TNFRSF10B: variants seen among roughly 807,000 people sequenced by gnomAD.
The protein encoded by TNFRSF10B is TNF receptor superfamily member 10b.
Under a neutral mutation model 41.4 loss-of-function variants are expected in TNFRSF10B, and 35 were observed. That is an observed-to-expected ratio of 0.85 (90% CI 0.65 to 1.12). The LOEUF (loss-of-function observed/expected upper bound fraction) is 1.12. Among genes scored for constraint, TNFRSF10B ranks in the 50% most tolerant of loss-of-function variants. The pLI is 0.00. For missense variants in TNFRSF10B, 584 were observed against 552.7 expected (o/e 1.06, Z -0.57); for synonymous variants, 230 against 215.5 (o/e 1.07, Z -0.59).
At chr8:23,060,421 G>C (rs979713374) in intron 1 of TNFRSF10B, among the ~76,000 whole-genome samples, 14 of 152,042 alleles carry the variant, frequency 9.2e-5, no homozygotes, top group Admixed American at 3.3e-4. Context: ...CAACAGTCTT[G>C]GCATCCTTGT....
chr8:23,040,799 G>T (rs1812172876), intron 2 of TNFRSF10B, among the ~76,000 whole-genome samples: 1 of 151,886 alleles, frequency 6.6e-6, no homozygotes, highest in South Asian at 2.1e-4. Flanking sequence ...TATTAATATT[G>T]AAAGACATTC....
At chr8:23,027,923 G>T in intron 5 of TNFRSF10B, 170 bp from the exon 6 acceptor site, 1 of 720,404 alleles carries the variant, frequency 1.4e-6, no homozygotes, top group Admixed American at 2.5e-5. Context: ...GAGGAAGGGG[G>T]ATGAGAAGGG....
intron 1 of TNFRSF10B, among the ~76,000 whole-genome samples, chr8:23,067,080 G>A (rs1346996667): frequency 6.6e-6 from 1 of 151,754 alleles, no homozygotes; most frequent in Non-Finnish European, 1.5e-5. Context: ...CCAGGTTCAA[G>A]TGATTCTCCT....
At chr8:23,064,925 T>C (rs1240990445) in intron 1 of TNFRSF10B, among the ~76,000 whole-genome samples, 1 of 152,214 alleles carries the variant, frequency 6.6e-6, no homozygotes, top group Non-Finnish European at 1.5e-5. Flanking sequence ...GCAAACCATA[T>C]TATCCTGGCC....
chr8:23,060,711 T>G (rs73544894), intron 1 of TNFRSF10B, among the ~76,000 whole-genome samples: 7,157 of 152,308 alleles, frequency 0.047, 326 homozygotes, highest in African/African-American at 0.12. Flanking sequence ...TTACATTGAA[T>G]GTATAGATCA....
At chr8:23,067,712 G>C (rs377100077) in intron 1 of TNFRSF10B, among the ~76,000 whole-genome samples, 28 of 152,224 alleles carry the variant, frequency 1.8e-4, no homozygotes, top group East Asian at 1.7e-3. Flanking sequence ...GAAAACATGA[G>C]GTGTGTAACA....
intron 7 of TNFRSF10B, among the ~76,000 whole-genome samples, chr8:23,024,899 T>C (rs1373371033): frequency 6.6e-6 from 1 of 152,006 alleles, no homozygotes; most frequent in African/African-American, 2.4e-5. Flanking sequence ...CCCAGCACTC[T>C]GGGAGGCTGA....
chr8:23,065,081 T>C (rs1812944098), intron 1 of TNFRSF10B, among the ~76,000 whole-genome samples: 1 of 152,158 alleles, frequency 6.6e-6, no homozygotes, highest in South Asian at 2.1e-4. Context: ...GATAGTTATT[T>C]AGGTCCCTGC....
chr8:23,045,464 A>G (rs1165154502), intron 1 of TNFRSF10B, among the ~76,000 whole-genome samples: 1 of 152,166 alleles, frequency 6.6e-6, no homozygotes, highest in Non-Finnish European at 1.5e-5. Context: ...TCAAAGAAAC[A>G]CCCAGGACCC....
Position 23,048,143 on chromosome 8 carries a change from AAAC to A in TNFRSF10B, c.145-4903_145-4901del, listed in dbSNP as rs1490302225. Among the ~76,000 whole-genome samples, 11 of 152,322 alleles carry A rather than the reference AAAC, an allele frequency of 7.2e-5. No individual in the cohort carries two copies. The East Asian group carries it at 1.9e-3, about 27-fold the overall frequency. On this transcript the variant is annotated intron_variant, in intron 1 of 8. Transcript: ENST00000276431. ...TGTATGTTTTCATACATGAAATTGA[AAAC>A]AACGAGGCTGGGCACGGTGGCTCAT... is the stretch of plus-strand genomic sequence containing the variant.
chr8:23,045,717 C>A (rs1400703539), intron 1 of TNFRSF10B, among the ~76,000 whole-genome samples: 1 of 152,134 alleles, frequency 6.6e-6, no homozygotes, highest in Non-Finnish European at 1.5e-5. Context: ...AATTCAATAG[C>A]TCATTAAAAG....
rs1048793469 is a variant in TNFRSF10B at position 23,038,277 on chromosome 8, A to C, written c.250+4861T>G. Reference sequence around the variant, plus strand: ...TAAAGCAGGACCACTTATAGCTCAGACCCTTCAGGAATAAAGGTTAGTTCA... The same window carrying C: ...TAAAGCAGGACCACTTATAGCTCAGCCCCTTCAGGAATAAAGGTTAGTTCA... On this transcript the variant is annotated intron_variant, in intron 2 of 8. Transcript: ENST00000276431. 2.0e-5 allele frequency among the ~76,000 whole-genome samples: 3 copies of C among 152,268 alleles called. No homozygotes were observed. In the South Asian group the frequency reaches 6.2e-4, roughly 32 times the overall value.
chr8:23,028,893 G>A (rs375910140), intron 4 of TNFRSF10B, among the ~76,000 whole-genome samples: 2 of 152,306 alleles, frequency 1.3e-5, no homozygotes, highest in African/African-American at 2.4e-5. Context: ...GGAGGCCTGC[G>A]TTAGGAGCAA....
In TNFRSF10B at chr8:23,021,388, G is replaced by A. The variant is rs533597173; in HGVS notation, c.*1283C>T. 70 of 454,014 alleles carry A rather than the reference G, an allele frequency of 1.5e-4. No individual in the cohort carries two copies. The highest frequency in any genetic ancestry group is 1.0e-3 in the South Asian group (65 of 64,468). The allele number at this position is 454,014 out of a possible 1,614,324, so 28.1% of individuals were successfully genotyped here. ...GTGACAGATAACCAGAAGTGAGCCGGGCCATCTACTCCTGAGATGGCAACC... is the reference window on the plus strand; with the variant it reads ...GTGACAGATAACCAGAAGTGAGCCGAGCCATCTACTCCTGAGATGGCAACC... On this transcript the variant is annotated 3_prime_UTR_variant, in exon 9 of 9. Transcript: ENST00000276431.
chr8:23,048,773 T>C (rs1174255461), intron 1 of TNFRSF10B, among the ~76,000 whole-genome samples: 1 of 152,148 alleles, frequency 6.6e-6, no homozygotes, highest in Non-Finnish European at 1.5e-5. Context: ...TCCCCATAAA[T>C]ACATACAATT....
At chr8:23,062,822 GAATT>G (rs1184761280) in intron 1 of TNFRSF10B, among the ~76,000 whole-genome samples, 2 of 152,086 alleles carry the variant, frequency 1.3e-5, no homozygotes, top group Non-Finnish European at 2.9e-5. Flanking sequence ...TTGTATGGCA[GAATT>G]AATATGGTAA....
Position 23,021,571 on chromosome 8 carries a change from G to C in TNFRSF10B, c.*1100C>G, listed in dbSNP as rs1811522759. 2.2e-6 allele frequency: 1 copy of C among 454,122 alleles called. No homozygotes were observed. The highest frequency in any genetic ancestry group is 2.0e-5 in the African/African-American group (1 of 50,122). The allele number at this position is 454,122 out of a possible 1,614,324, so 28.1% of individuals were successfully genotyped here. A position where few individuals can be genotyped will look rare whatever the true frequency, so the allele number is the denominator to read the frequency against. ...TTGTTATGTGTGATCTAACCCATCT[G>C]CCTCTGTCCCAGCCTGTCCATAGAT... On this transcript the variant is annotated 3_prime_UTR_variant, in exon 9 of 9. Transcript: ENST00000276431.
Position 23,025,412 on chromosome 8 carries a change from CTA to C in TNFRSF10B, c.937-1154_937-1153del, listed in dbSNP as rs147127466. 7.2e-3 allele frequency among the ~76,000 whole-genome samples: 1,089 copies of C among 152,136 alleles called. 5 individuals are homozygous for C. The highest frequency in any genetic ancestry group is 0.012 in the Non-Finnish European group (805 of 67,998). On this transcript the variant is annotated intron_variant, in intron 7 of 8. Transcript: ENST00000276431. ...AATTAATATTTGTAAAGTCTAGTGACTATGTGGGCGGGAGGGGTACTAGAGAA... is the reference window on the plus strand; with the variant it reads ...AATTAATATTTGTAAAGTCTAGTGACTGTGGGCGGGAGGGGTACTAGAGAA...
rs1005056875 is a variant in TNFRSF10B at position 23,068,982 on chromosome 8, G to C, written c.-88C>G. 2.5e-6 allele frequency: 4 copies of C among 1,601,104 alleles called. No individual in the cohort carries two copies. In the African/African-American group the frequency reaches 4.0e-5, roughly 16 times the overall value. ...GGCATCGTCGGTGTATTTTGTGGGC[G>C]CAGAGATTGCGGGGTTCTCCGGCCG... On this transcript the variant is annotated 5_prime_UTR_variant, in exon 1 of 9. Coordinates refer to ENST00000276431, the MANE Select transcript of TNFRSF10B (RefSeq NM_003842.5).
Sources: allele counts gnomAD v4.1 joint callset (sites outside exome capture counted in the v4.1 genomes callset), GRCh38; gene constraint gnomAD v4.1.1; transcripts MANE v1.5; gene names NCBI Gene and HGNC (gene_info 2026-07-23, HGNC 2026-07-21).